CDKAL1: variants seen among roughly 807,000 people sequenced by gnomAD.
CDKAL1 encodes the protein threonylcarbamoyladenosine tRNA methylthiotransferase.
CDKAL1 carries 32 observed loss-of-function variants against 68.2 expected under a neutral mutation model. The ratio of observed to expected loss-of-function variants is 0.47; its 90% CI spans 0.35 to 0.63. CDKAL1 has a LOEUF of 0.63. CDKAL1 is among the 30% of genes least tolerant of loss of function. The probability of loss-of-function intolerance (pLI) is 0.00; values close to 1 mark genes in which losing one functional copy is unlikely to be tolerated. For missense variants in CDKAL1, 606 were observed against 696.7 expected (o/e 0.87, Z 1.47); for synonymous variants, 234 against 244.3 (o/e 0.96, Z 0.39).
chr6:20,562,706 C>T (rs943850217), intron 4 of CDKAL1, among the ~76,000 whole-genome samples: 1 of 151,590 alleles, frequency 6.6e-6, no homozygotes, highest in South Asian at 2.1e-4. Context: ...CATGCCACTA[C>T]ACTCCAGCCT....
At chr6:20,778,310 C>G (rs533775359) in intron 7 of CDKAL1, among the ~76,000 whole-genome samples, 18 of 152,148 alleles carry the variant, frequency 1.2e-4, no homozygotes, top group Non-Finnish European at 2.5e-4. Flanking sequence ...AAAACATTTA[C>G]TTTTCAAGGC....
chr6:20,821,631 G>A (rs570105121), intron 8 of CDKAL1, among the ~76,000 whole-genome samples: 3 of 12,194 alleles, frequency 2.5e-4, no homozygotes, highest in African/African-American at 8.6e-4. Flanking sequence ...TGTCCCAGAT[G>A]CTTTGGAACA....
At chr6:20,640,302 T>A (rs1193050594) in intron 4 of CDKAL1, among the ~76,000 whole-genome samples, 1 of 152,236 alleles carries the variant, frequency 6.6e-6, no homozygotes, top group Non-Finnish European at 1.5e-5. Context: ...AGACTCCTTT[T>A]ATTGTTTTGT....
intron 9 of CDKAL1, among the ~76,000 whole-genome samples, chr6:20,858,720 A>C (rs975491169): frequency 6.6e-6 from 1 of 152,204 alleles, no homozygotes; most frequent in Non-Finnish European, 1.5e-5. Context: ...GGAGTGTTAT[A>C]AAATTGCATG....
At chr6:20,980,930 G>C (rs1040950057) in intron 10 of CDKAL1, among the ~76,000 whole-genome samples, 1 of 152,150 alleles carries the variant, frequency 6.6e-6, no homozygotes, top group Non-Finnish European at 1.5e-5. Context: ...TCAGACTTAC[G>C]TTATGGTTTG....
chr6:20,630,035 G>C (rs988879476), intron 4 of CDKAL1, among the ~76,000 whole-genome samples: 1 of 151,826 alleles, frequency 6.6e-6, no homozygotes, highest in Admixed American at 6.6e-5. Flanking sequence ...TGTATTTTTA[G>C]GTAGAGATTT....
chr6:21,144,646 A>G (rs1673134054), intron 13 of CDKAL1, among the ~76,000 whole-genome samples: 1 of 151,296 alleles, frequency 6.6e-6, no homozygotes, highest in Non-Finnish European at 1.5e-5. Flanking sequence ...AAAAAAAAAA[A>G]AGAATTAGCT....
chr6:20,598,560 A>G (rs1199116549), intron 4 of CDKAL1, among the ~76,000 whole-genome samples: 2 of 152,192 alleles, frequency 1.3e-5, no homozygotes, highest in Non-Finnish European at 2.9e-5. Flanking sequence ...GCATAGACAC[A>G]TGTTTTAAAT....
At chr6:20,589,883 G>A (rs1007447388) in intron 4 of CDKAL1, among the ~76,000 whole-genome samples, 3 of 152,104 alleles carry the variant, frequency 2.0e-5, no homozygotes, top group South Asian at 2.1e-4. Context: ...GGTAGTGCAC[G>A]GGTTAAGAAT....
intron 5 of CDKAL1, among the ~76,000 whole-genome samples, chr6:20,667,482 A>G (rs1581925820): frequency 1.3e-5 from 2 of 151,836 alleles, no homozygotes; most frequent in South Asian, 4.2e-4. Flanking sequence ...CTTATTTTAC[A>G]CCCCCCTTCC....
At chr6:21,191,521 C>T (rs192222356) in intron 13 of CDKAL1, among the ~76,000 whole-genome samples, 49 of 152,234 alleles carry the variant, frequency 3.2e-4, no homozygotes, top group African/African-American at 1.1e-3. Flanking sequence ...GAATTAGATC[C>T]GTGATGTTGT....
intron 4 of CDKAL1, among the ~76,000 whole-genome samples, chr6:20,571,751 G>A (rs1241067141): frequency 2.0e-5 from 3 of 151,764 alleles, no homozygotes; most frequent in Non-Finnish European, 4.4e-5. Context: ...GATATAAAAT[G>A]GAAAAGATTT....
intron 4 of CDKAL1, among the ~76,000 whole-genome samples, chr6:20,603,768 A>ATT (rs745786047): frequency 0.032 from 2,696 of 85,072 alleles, 390 homozygotes; most frequent in Middle Eastern, 0.071. Flanking sequence ...CAGTTGCTAA[A>ATT]TTTTTTTTTT....
intron 13 of CDKAL1, among the ~76,000 whole-genome samples, chr6:21,123,530 G>C (rs757160562): frequency 3.9e-5 from 6 of 152,176 alleles, no homozygotes; most frequent in Non-Finnish European, 7.4e-5. Flanking sequence ...GTGGATATTG[G>C]TGCCTTAAGT....
At chr6:21,158,483 T>C (rs1776750611) in intron 13 of CDKAL1, among the ~76,000 whole-genome samples, 1 of 152,188 alleles carries the variant, frequency 6.6e-6, no homozygotes, top group Admixed American at 6.6e-5. Flanking sequence ...TGGAGGGGAC[T>C]CAAAGGGTCA....
At chr6:20,602,168 G>A (rs2223622) in intron 4 of CDKAL1, among the ~76,000 whole-genome samples, 122,848 of 152,048 alleles carry the variant, frequency 0.81, 49,974 homozygotes, top group Middle Eastern at 0.91. Context: ...TCTTAAATAG[G>A]TGAAGTAATT....
intron 8 of CDKAL1, among the ~76,000 whole-genome samples, chr6:20,814,986 A>G (rs1157133972): frequency 6.6e-6 from 1 of 152,222 alleles, no homozygotes; most frequent in African/African-American, 2.4e-5. Context: ...ATGTTGGAGA[A>G]TCTGTGAGCT....
intron 5 of CDKAL1, among the ~76,000 whole-genome samples, chr6:20,725,644 C>T (rs1254444847): frequency 1.3e-5 from 2 of 152,096 alleles, no homozygotes; most frequent in Non-Finnish European, 2.9e-5. Context: ...ATTAGCCGGG[C>T]GTGGTGGCAC....
intron 9 of CDKAL1, among the ~76,000 whole-genome samples, chr6:20,904,217 T>C (rs1762133903): frequency 1.3e-5 from 2 of 152,130 alleles, no homozygotes; most frequent in Admixed American, 1.3e-4. Context: ...CTCCTTTAAC[T>C]GATGTGAGTT....
Sources: allele counts gnomAD v4.1 joint callset (sites outside exome capture counted in the v4.1 genomes callset), GRCh38; gene constraint gnomAD v4.1.1; transcripts MANE v1.5; gene names NCBI Gene and HGNC (gene_info 2026-07-23, HGNC 2026-07-21).